The following OTUD7A variants were observed in gnomAD, a reference collection of about 807,000 sequenced individuals.
OTUD7A encodes OTU domain-containing protein 7A.
A neutral mutation model predicts 65.7 loss-of-function variants in OTUD7A; 12 were observed. The ratio of observed to expected loss-of-function variants is 0.18; its 90% CI spans 0.12 to 0.30. The LOEUF is 0.30. OTUD7A is among the 10% of genes least tolerant of loss of function. OTUD7A has a pLI of 1.00. For missense variants in OTUD7A, 1,148 were observed against 1,304.8 expected, an observed-to-expected ratio of 0.88 and a Z score of 1.85; for synonymous variants, 641 against 586.3, an observed-to-expected ratio of 1.09 and a Z score of -1.35.
At chr15:31,735,048 T>G (rs980042624) in intron 1 of OTUD7A, among the ~76,000 whole-genome samples, 1 of 9,876 alleles carries the variant, frequency 1.0e-4, no homozygotes, top group African/African-American at 1.8e-4. Context: ...CAAACAAATT[T>G]ACAAGAAAAA....
At chr15:31,617,747 T>A (rs1050901644) in intron 3 of OTUD7A, among the ~76,000 whole-genome samples, 1 of 152,026 alleles carries the variant, frequency 6.6e-6, no homozygotes, top group Non-Finnish European at 1.5e-5. Context: ...ACAGTTTGAT[T>A]TGATTTCCTT....
intron 9 of OTUD7A, 143 bp downstream of exon 9, chr15:31,503,548 A>G: frequency 8.6e-7 from 1 of 1,165,348 alleles, no homozygotes; most frequent in Non-Finnish European, 1.2e-6. Context: ...AGGGAGGAGA[A>G]AGAAACACGT....
chr15:31,685,762 A>G (rs1317477677), intron 1 of OTUD7A, among the ~76,000 whole-genome samples: 1 of 152,232 alleles, frequency 6.6e-6, no homozygotes, highest in Non-Finnish European at 1.5e-5. Flanking sequence ...ATGGCAACAG[A>G]CGACTTTGCC....
chr15:31,590,714 T>C (rs1889697737), intron 3 of OTUD7A, among the ~76,000 whole-genome samples: 1 of 152,234 alleles, frequency 6.6e-6, no homozygotes, highest in Non-Finnish European at 1.5e-5. Flanking sequence ...GGGTTCTCTG[T>C]ACTCAGAATA....
chr15:31,769,339 T>C (rs1895171780), intron 1 of OTUD7A, among the ~76,000 whole-genome samples: 1 of 152,216 alleles, frequency 6.6e-6, no homozygotes, highest in Non-Finnish European at 1.5e-5. Flanking sequence ...ATCCCAAATG[T>C]GTATGCACCT....
At chr15:31,727,379 T>G (rs1026338995) in intron 1 of OTUD7A, among the ~76,000 whole-genome samples, 10 of 151,712 alleles carry the variant, frequency 6.6e-5, no homozygotes, top group African/African-American at 2.4e-4. Context: ...CATATTGTAG[T>G]TACTGTTCAT....
At chr15:31,628,008 G>A (rs183733885) in intron 3 of OTUD7A, among the ~76,000 whole-genome samples, 1 of 152,212 alleles carries the variant, frequency 6.6e-6, no homozygotes, top group East Asian at 1.9e-4. Context: ...TGTCAGATGA[G>A]TAGGTTGCAA....
At chr15:31,504,848 T>C (rs2041534986) in intron 8 of OTUD7A, among the ~76,000 whole-genome samples, 1 of 152,138 alleles carries the variant, frequency 6.6e-6, no homozygotes, top group African/African-American at 2.4e-5. Context: ...CTGTGGAATT[T>C]TGGTTACATA....
intron 3 of OTUD7A, among the ~76,000 whole-genome samples, chr15:31,581,663 C>G (rs1233220678): frequency 6.6e-6 from 1 of 152,216 alleles, no homozygotes; most frequent in African/African-American, 2.4e-5. Context: ...CTACATGGGC[C>G]CTTTTTAGCC....
intron 1 of OTUD7A, among the ~76,000 whole-genome samples, chr15:31,828,411 C>T (rs1502996): frequency 0.94 from 142,520 of 152,270 alleles, 67,415 homozygotes; most frequent in East Asian, 1. Flanking sequence ...AATGTTTAAA[C>T]TGGGTAATTA....
chr15:31,534,389 T>C (rs1887728087), intron 5 of OTUD7A, among the ~76,000 whole-genome samples: 1 of 152,104 alleles, frequency 6.6e-6, no homozygotes, highest in African/African-American at 2.4e-5. Context: ...AAACTAGGAA[T>C]AGGGGGATCT....
intron 3 of OTUD7A, among the ~76,000 whole-genome samples, chr15:31,634,774 A>G (rs1693009929): frequency 6.6e-6 from 1 of 152,208 alleles, no homozygotes; most frequent in Admixed American, 6.5e-5. Flanking sequence ...AAACCGCCCA[A>G]GGCTTCCCCA....
intron 4 of OTUD7A, among the ~76,000 whole-genome samples, chr15:31,567,305 G>A (rs1000479346): frequency 1.3e-5 from 2 of 152,216 alleles, no homozygotes; most frequent in Non-Finnish European, 2.9e-5. Flanking sequence ...TCATACCCTA[G>A]GGATCTGTGG....
chr15:31,685,531 C>T (rs1277288341), intron 1 of OTUD7A, among the ~76,000 whole-genome samples: 1 of 151,130 alleles, frequency 6.6e-6, no homozygotes, highest in African/African-American at 2.4e-5. Flanking sequence ...TGGTGGCGGG[C>T]GCCTGTAGTC....
chr15:31,670,483 C>T (rs35335765), intron 1 of OTUD7A, among the ~76,000 whole-genome samples: 2,033 of 151,872 alleles, frequency 0.013, 49 homozygotes, highest in African/African-American at 0.046. Context: ...CTGACTAGCA[C>T]GAGATGGTAT....
intron 1 of OTUD7A, among the ~76,000 whole-genome samples, chr15:31,810,163 A>T (rs1896381842): frequency 1.3e-5 from 2 of 152,168 alleles, no homozygotes; most frequent in Non-Finnish European, 2.9e-5. Context: ...TCCACACAGC[A>T]GCCCAGCACA....
rs149313649 is a variant in OTUD7A, at chr15:31,868,268, T to A, written c.-100+2239A>T. ...GTTGTTTTAAAATGTTTTGGGGAAA[T>A]AAGTGACCCATACCTAAAGATTTAG... On this transcript the variant is annotated intron_variant, in intron 1 of 12. Transcript: ENST00000307050. 1.6e-3 allele frequency among the ~76,000 whole-genome samples: 246 copies of A among 152,322 alleles called. 1 individual carries two copies. The highest frequency in any genetic ancestry group is 9.1e-3 in the South Asian group (44 of 4,830).
In OTUD7A at chr15:31,483,265, A is replaced by C. The variant is rs1004797195; in HGVS notation, c.*29T>G. The C allele has an allele frequency of 1.9e-6, 2 of 1,076,364 alleles. No individual in the cohort carries two copies. The highest frequency in any genetic ancestry group is 2.2e-6 in the Non-Finnish European group (2 of 890,786). The allele number at this position is 1,076,364 out of a possible 1,614,324, so 66.7% of individuals were successfully genotyped here. A position where few individuals can be genotyped will look rare whatever the true frequency, so the allele number is the denominator to read the frequency against. ...TGGAAAAGAAATCCTCGAAGGTAGA[A>C]CCTCGCCGCCCGCGCCGCGCCGCGC... On this transcript the variant is annotated 3_prime_UTR_variant, in exon 13 of 13. Transcript: ENST00000307050.
intron 1 of OTUD7A, among the ~76,000 whole-genome samples, chr15:31,673,866 T>C (rs1042877303): frequency 3.3e-5 from 5 of 152,216 alleles, no homozygotes; most frequent in Middle Eastern, 3.2e-3. Context: ...CTTGCCTCCT[T>C]CTTCTCTCTG....
Sources: gnomAD v4.1 joint callset for allele counts (sites outside exome capture counted in the v4.1 genomes callset) on GRCh38, gnomAD v4.1.1 for gene constraint, MANE v1.5 for transcripts, NCBI Gene and HGNC (gene_info 2026-07-23, HGNC 2026-07-21) for gene names.